ANKRD42: variants seen among roughly 807,000 people sequenced by gnomAD.
ANKRD42 encodes ankyrin repeat domain 42, also known as ankyrin repeat domain-containing protein 42.
Under a neutral mutation model 51.5 loss-of-function variants are expected in ANKRD42, and 43 were observed. The observed-to-expected ratio is 0.83, with a 90% CI of 0.65 to 1.08. ANKRD42 has a LOEUF of 1.08. ANKRD42 is among the 50% of genes least tolerant of loss of function. ANKRD42 has a pLI of 0.00. For missense variants in ANKRD42, 608 were observed against 629.3 expected, an observed-to-expected ratio of 0.97 and a Z score of 0.36; for synonymous variants, 203 against 213.0, an observed-to-expected ratio of 0.95 and a Z score of 0.41.
intron 1 of ANKRD42, among the ~76,000 whole-genome samples, chr11:83,197,027 AAAG>A (rs1410627600): frequency 3.9e-5 from 6 of 152,276 alleles, no homozygotes; most frequent in Admixed American, 2.0e-4. Context: ...GTGCTAGTTT[AAAG>A]AAGAATGAAG....
In ANKRD42 at chr11:83,248,214, C is replaced by T; in HGVS notation, c.*10C>T. ...CTATAGTCTTTTTTGATTTGGGCTA[C>T]TCATTTAACCTTTTTGTGCCTCAAC... On this transcript the variant is annotated 3_prime_UTR_variant, in exon 11 of 11. Coordinates refer to ENST00000533342, the MANE Select transcript of ANKRD42 (RefSeq NM_001300975.2). 4 of 1,477,022 alleles carry T rather than the reference C, an allele frequency of 2.7e-6. No individual in the cohort carries two copies. Among genetic ancestry groups the T allele is most frequent in the Non-Finnish European group, 3.6e-6 (4 of 1,116,314 alleles). The allele number at this position is 1,477,022 out of a possible 1,614,324, so 91.5% of individuals were successfully genotyped here. A position where few individuals can be genotyped will look rare whatever the true frequency, so the allele number is the denominator to read the frequency against.
At chr11:83,255,971 T>C in exon 12 of ANKRD42, 1 of 1,446,210 alleles carries the variant, frequency 6.9e-7, no homozygotes. Flanking sequence ...TAGATTTTTC[T>C]CTTTCATTAA....
At chr11:83,213,300 T>G in intron 5 of ANKRD42, 1 of 1,591,422 alleles carries the variant, frequency 6.3e-7, no homozygotes, top group Non-Finnish European at 8.5e-7. Context: ...TGTGCTGAGA[T>G]GTTTCCTCCA....
At chr11:83,254,203 A>T (rs950750696) in intron 11 of ANKRD42, among the ~76,000 whole-genome samples, 3 of 151,928 alleles carry the variant, frequency 2.0e-5, no homozygotes, top group Non-Finnish European at 4.4e-5. Context: ...CAAACTCCTG[A>T]GCTCAAAGTG....
At chr11:83,254,320 A>G (rs1863726055) in intron 11 of ANKRD42, among the ~76,000 whole-genome samples, 1 of 151,996 alleles carries the variant, frequency 6.6e-6, no homozygotes, top group African/African-American at 2.4e-5. Context: ...GAAATTGGCT[A>G]CATCTGACAA....
In ANKRD42 at chr11:83,194,696, C is replaced by G. The variant is rs774722696; in HGVS notation, c.26C>G (p.Pro9Arg). ...ATGCCCGGGGTGGCCAATTCAGGCC[C>G]CTCCACTTCCTCTAGGGAGACTGCA... The part of the protein sequence containing the change: MPGVANSG[P>R]STSSRETANP... The change falls in exon 1 of 11, where the codon CCC becomes CGC. Residue 9 changes from proline (P) to arginine (R), a missense_variant. By Grantham distance (103) the Pro-to-Arg change is moderately radical. Transcript: ENST00000533342. The G allele has an allele frequency of 6.2e-7, 1 of 1,612,344 alleles. No individual in the cohort carries two copies. Among genetic ancestry groups the G allele is most frequent in the Non-Finnish European group, 8.5e-7 (1 of 1,179,124 alleles).
intron 5 of ANKRD42, 93 bp from the exon 6 acceptor site, chr11:83,224,762 T>C: frequency 9.3e-7 from 1 of 1,071,798 alleles, no homozygotes; most frequent in South Asian, 2.1e-5. Context: ...CCAGCCTGGG[T>C]TACAGAGCAA....
Position 83,226,228 on chromosome 11 carries a change from T to C in ANKRD42, c.787+1173T>C, listed in dbSNP as rs61900281. ...GTACACATACACACACACACACACA[T>C]ACACACACACATACACACACACAAC... On this transcript the variant is annotated intron_variant, in intron 6 of 10. Transcript: ENST00000533342. Among the ~76,000 whole-genome samples the C allele has an allele frequency of 4.0e-3, 555 of 140,332 alleles. 11 individuals carry two copies. In the East Asian group the frequency reaches 0.069, roughly 18 times the overall value. 92.1% of individuals were successfully genotyped at this position (140,332 alleles called of 152,430 possible).
chr11:83,225,551 T>C (rs1862852340), intron 6 of ANKRD42, among the ~76,000 whole-genome samples: 1 of 138,418 alleles, frequency 7.2e-6, no homozygotes, highest in Non-Finnish European at 1.6e-5. Flanking sequence ...GGTGACAAAA[T>C]GAGACCCTGT....
chr11:83,254,880 T>A (rs545862661), intron 11 of ANKRD42, among the ~76,000 whole-genome samples: 9 of 152,334 alleles, frequency 5.9e-5, no homozygotes, highest in Admixed American at 5.9e-4. Flanking sequence ...TATTACCCTA[T>A]GCCCACAAAC....
chr11:83,228,451 A>G (rs1862965739), intron 7 of ANKRD42, among the ~76,000 whole-genome samples: 1 of 151,734 alleles, frequency 6.6e-6, no homozygotes, highest in Non-Finnish European at 1.5e-5. Context: ...GCTGATCTTG[A>G]ACTCCTGGCC....
intron 10 of ANKRD42, among the ~76,000 whole-genome samples, chr11:83,247,681 CTTAT>C (rs1286744017): frequency 6.6e-6 from 1 of 152,118 alleles, no homozygotes; most frequent in Non-Finnish European, 1.5e-5. Context: ...ATATATTTTA[CTTAT>C]TTATTTTCCT....
chr11:83,212,666 C>T, intron 5 of ANKRD42: 2 of 1,535,996 alleles, frequency 1.3e-6, no homozygotes, highest in Non-Finnish European at 1.7e-6. Context: ...CTCCTTAGAT[C>T]CCTGTGGAGC....
intron 6 of ANKRD42, among the ~76,000 whole-genome samples, chr11:83,226,668 G>T (rs947727673): frequency 2.0e-5 from 3 of 152,190 alleles, no homozygotes; most frequent in African/African-American, 7.2e-5. Context: ...ACCAGCAAGA[G>T]TAGGGCATGA....
intron 6 of ANKRD42, among the ~76,000 whole-genome samples, chr11:83,226,101 AT>A (rs1862873886): frequency 6.6e-6 from 1 of 151,960 alleles, no homozygotes; most frequent in African/African-American, 2.4e-5. Flanking sequence ...TTGTATTGTT[AT>A]TTTTATTTGT....
chr11:83,239,192 T>C (rs1290871419), intron 8 of ANKRD42, among the ~76,000 whole-genome samples: 1 of 152,214 alleles, frequency 6.6e-6, no homozygotes, highest in Non-Finnish European at 1.5e-5. Flanking sequence ...CTTTTAAATA[T>C]ACATACTTGC....
At chr11:83,256,739 A>T (rs1469553665), downstream of ANKRD42, among the ~76,000 whole-genome samples, 2 of 152,190 alleles carry the variant, frequency 1.3e-5, no homozygotes, top group Admixed American at 6.5e-5. Flanking sequence ...TGTGGACGCT[A>T]AAGTCATTTT....
chr11:83,210,603 TC>T (rs1232570145), intron 4 of ANKRD42, among the ~76,000 whole-genome samples, 184 bp downstream of exon 4: 1 of 152,048 alleles, frequency 6.6e-6, no homozygotes, highest in Admixed American at 6.6e-5. Context: ...AGTCTTCTCT[TC>T]CCCCCCAAAA....
intron 7 of ANKRD42, among the ~76,000 whole-genome samples, chr11:83,229,675 T>C (rs1019097548): frequency 3.3e-5 from 5 of 152,124 alleles, no homozygotes; most frequent in African/African-American, 1.2e-4. Flanking sequence ...ATGTTGGAAG[T>C]TGGGAAGGTG....
Sources: gnomAD v4.1 joint callset for allele counts (sites outside exome capture counted in the v4.1 genomes callset) on GRCh38, gnomAD v4.1.1 for gene constraint, MANE v1.5 for transcripts, NCBI Gene and HGNC (gene_info 2026-07-23, HGNC 2026-07-21) for gene names.